The following NT5C2 variants were observed in gnomAD, a reference collection of about 807,000 sequenced individuals.
The protein encoded by NT5C2 is 5'-nucleotidase, cytosolic II.
NT5C2 carries 58 observed loss-of-function variants against 76.1 expected under a neutral mutation model. That is an observed-to-expected ratio of 0.76 (90% CI 0.62 to 0.95). The LOEUF is 0.95. Among genes scored for constraint, NT5C2 ranks in the 40% least tolerant of loss-of-function variants. The pLI is 0.00. For synonymous variants in NT5C2, 229 were observed against 237.4 expected, an observed-to-expected ratio of 0.96 and a Z score of 0.32; for missense variants, 478 against 690.3, an observed-to-expected ratio of 0.69 and a Z score of 3.45.
chr10:103,170,363 T>G (rs1356793464), intron 3 of NT5C2, among the ~76,000 whole-genome samples: 2 of 152,098 alleles, frequency 1.3e-5, no homozygotes, highest in Non-Finnish European at 2.9e-5. Flanking sequence ...ATCAAGCCTT[T>G]GAAAATGTTT....
chr10:103,179,954 G>A (rs143150874), intron 2 of NT5C2, among the ~76,000 whole-genome samples: 117 of 152,230 alleles, frequency 7.7e-4, no homozygotes, highest in African/African-American at 2.6e-3. Context: ...TTAGAGTATT[G>A]AGAGGAAAAA....
chr10:103,106,498 T>C (rs1045395422), intron 5 of NT5C2, 91 bp downstream of exon 5: 17 of 811,156 alleles, frequency 2.1e-5, no homozygotes, highest in Admixed American at 6.5e-5. Flanking sequence ...GGGGGGTTTT[T>C]TTGTTAAGGA....
chr10:103,143,966 C>CA, intron 3 of NT5C2, among the ~76,000 whole-genome samples: 1 of 151,942 alleles, frequency 6.6e-6, no homozygotes, highest in East Asian at 1.9e-4. Flanking sequence ...AACAAAGAAA[C>CA]AAAAAACACC....
At chr10:103,105,643 G>T in intron 6 of NT5C2, 63 bp downstream of exon 6, 2 of 1,042,916 alleles carry the variant, frequency 1.9e-6, no homozygotes, top group Non-Finnish European at 2.9e-6. Flanking sequence ...CTGGGGAGAT[G>T]ATGTCATCTT....
At chr10:103,118,455 C>G (rs1326593154) in intron 4 of NT5C2, among the ~76,000 whole-genome samples, 1 of 151,044 alleles carries the variant, frequency 6.6e-6, no homozygotes, top group Admixed American at 6.6e-5. Flanking sequence ...CTCCCAGGAT[C>G]AAGCAATTCT....
intron 2 of NT5C2, among the ~76,000 whole-genome samples, chr10:103,177,347 T>C (rs2090181021): frequency 6.6e-6 from 1 of 152,226 alleles, no homozygotes; most frequent in African/African-American, 2.4e-5. Flanking sequence ...ACTTCTGTTT[T>C]TGAAGTTTTC....
intron 3 of NT5C2, among the ~76,000 whole-genome samples, chr10:103,144,131 G>C (rs1227627915): frequency 2.0e-5 from 3 of 152,242 alleles, no homozygotes; most frequent in African/African-American, 7.2e-5. Context: ...AATGGTTGTA[G>C]CTCTAGAAAC....
In NT5C2 at chr10:103,089,584, C is replaced by T. The variant is rs557101184; in HGVS notation, c.*88G>A. ...CTTTCATGGAGCCCCCTCCCTCCCC[C>T]GAGTAGAACCCTAACAGGGACCTCG... On this transcript the variant is annotated 3_prime_UTR_variant, in exon 19 of 19. Transcript: ENST00000404739. The T allele has an allele frequency of 4.5e-4, 653 of 1,442,004 alleles. 3 individuals carry two copies. Among genetic ancestry groups the T allele is most frequent in the Non-Finnish European group, 5.7e-4 (620 of 1,095,898 alleles). The allele number at this position is 1,442,004 out of a possible 1,614,324, so 89.3% of individuals were successfully genotyped here. A position where few individuals can be genotyped will look rare whatever the true frequency, so the allele number is the denominator to read the frequency against.
chr10:103,156,755 C>CAAA, intron 3 of NT5C2, among the ~76,000 whole-genome samples: 1 of 138,700 alleles, frequency 7.2e-6, no homozygotes, highest in Non-Finnish European at 1.6e-5. Context: ...AACTCTATCT[C>CAAA]AAAAAAAAAA....
Position 103,093,961 on chromosome 10 carries a change from C to T in NT5C2, c.988+11G>A, listed in dbSNP as rs781735090. On this transcript the variant is annotated intron_variant, in intron 14 of 18. Transcript: ENST00000404739. The stretch of plus-strand genomic sequence containing the variant: ...GCAAAGACATTAAATAAAGGGAAGT[C>T]TGTGACTTACCTCCTGAGTAGACGA... 9 of 1,605,818 alleles carry T rather than the reference C, an allele frequency of 5.6e-6. No homozygotes were observed. Among genetic ancestry groups the T allele is most frequent in the Non-Finnish European group, 7.7e-6 (9 of 1,172,432 alleles).
intron 3 of NT5C2, among the ~76,000 whole-genome samples, chr10:103,154,970 G>T (rs1171033674): frequency 6.6e-6 from 1 of 152,138 alleles, no homozygotes. Flanking sequence ...TTTACTATTG[G>T]CAAAGAGAAA....
At chr10:103,139,866 A>C (rs375418242) in intron 3 of NT5C2, among the ~76,000 whole-genome samples, 12 of 152,250 alleles carry the variant, frequency 7.9e-5, no homozygotes, top group African/African-American at 2.4e-4. Flanking sequence ...TTCATCCAAC[A>C]TAACTGCAAC....
Position 103,090,737 on chromosome 10 carries a change from A to G in NT5C2, c.1323T>C (p.Phe441=), listed in dbSNP as rs771233729. The change falls in exon 18 of 19, where the codon TTT becomes TTC. Residue 441 remains phenylalanine, a synonymous_variant. Coordinates refer to ENST00000404739, the MANE Select transcript of NT5C2 (RefSeq NM_001351169.2). ...AAAGGGTCTGCCGGGAGCCACTGCG[A>G]AACAGGCTTCCCATCATCCCATAGC... ...DMCYGMMGSL[F]RSGSRQTLFA... The G allele has an allele frequency of 6.2e-7, 1 of 1,614,100 alleles. No homozygotes were observed. The highest frequency in any genetic ancestry group is 8.5e-7 in the Non-Finnish European group (1 of 1,180,056).
chr10:103,119,090 C>T (rs1334761431), intron 4 of NT5C2, among the ~76,000 whole-genome samples: 1 of 152,060 alleles, frequency 6.6e-6, no homozygotes, highest in Non-Finnish European at 1.5e-5. Flanking sequence ...AGTCAGAGGG[C>T]CGGGCACAGT....
chr10:103,127,732 G>T (rs2076934922), intron 4 of NT5C2, among the ~76,000 whole-genome samples: 1 of 152,182 alleles, frequency 6.6e-6, no homozygotes, highest in South Asian at 2.1e-4. Flanking sequence ...TGAAAAATTA[G>T]AAGTTTAGAG....
At chr10:103,190,006 T>TC (rs1445000884) in intron 1 of NT5C2, among the ~76,000 whole-genome samples, 2 of 145,100 alleles carry the variant, frequency 1.4e-5, no homozygotes, top group Non-Finnish European at 3.0e-5. Flanking sequence ...TCTTTTTTTT[T>TC]TTTTTTTTTT....
intron 13 of NT5C2, 37 bp from the exon 14 acceptor site, chr10:103,094,075 T>A (rs1447496663): frequency 1.3e-6 from 2 of 1,548,888 alleles, no homozygotes; most frequent in African/African-American, 2.7e-5. Flanking sequence ...TACTTTATCA[T>A]CCTATCACAA....
intron 15 of NT5C2, 122 bp from the exon 16 acceptor site, chr10:103,091,737 G>C: frequency 1.3e-6 from 1 of 759,300 alleles, no homozygotes; most frequent in East Asian, 2.6e-5. Flanking sequence ...CTAACATGCT[G>C]AGTGTACAGT....
intron 3 of NT5C2, among the ~76,000 whole-genome samples, chr10:103,164,412 C>G (rs1294603451): frequency 2.6e-5 from 4 of 152,078 alleles, no homozygotes; most frequent in Admixed American, 2.6e-4. Flanking sequence ...CATGCGCCAC[C>G]ACGCCCAGCT....
Sources: allele counts gnomAD v4.1 joint callset (sites outside exome capture counted in the v4.1 genomes callset), GRCh38; gene constraint gnomAD v4.1.1; transcripts MANE v1.5; gene names NCBI Gene and HGNC (gene_info 2026-07-23, HGNC 2026-07-21).